Variants in HPSE2 observed in about 807,000 individuals in gnomAD.
HPSE2 encodes the protein inactive heparanase-2.
HPSE2 carries 38 observed loss-of-function variants against 60.5 expected under a neutral mutation model. The ratio of observed to expected loss-of-function variants is 0.63; its 90% CI spans 0.48 to 0.82. HPSE2 has a LOEUF of 0.82. Among genes scored for constraint, HPSE2 ranks in the 40% least tolerant of loss-of-function variants. The pLI is 0.00. For synonymous variants in HPSE2, 295 were observed against 293.2 expected (o/e 1.01, Z -0.06); for missense variants, 713 against 740.4 (o/e 0.96, Z 0.43).
At chr10:98,741,082 TTAA>T (rs1292998852) in intron 4 of HPSE2, among the ~76,000 whole-genome samples, 55 of 152,298 alleles carry the variant, frequency 3.6e-4, no homozygotes, top group African/African-American at 1.3e-3. Flanking sequence ...TTATTTATCA[TTAA>T]TAATCATTTA....
intron 3 of HPSE2, among the ~76,000 whole-genome samples, chr10:99,138,215 G>A (rs1369318959): frequency 6.6e-6 from 1 of 152,170 alleles, no homozygotes; most frequent in East Asian, 1.9e-4. Context: ...CAGTTAGAAT[G>A]GTGATCATTG....
chr10:99,298,153 C>T, the HPSE2 span, among the ~76,000 whole-genome samples: 1 of 152,164 alleles, frequency 6.6e-6, no homozygotes, highest in African/African-American at 2.4e-5. Flanking sequence ...CAAGTCAGAG[C>T]CTCTGAGGTC....
rs186770290 is a variant in HPSE2, at chr10:98,512,488, G to A, written c.1321-22292C>T. Among the ~76,000 whole-genome samples, 65 of 152,112 alleles carry A rather than the reference G, an allele frequency of 4.3e-4. 1 individual carries two copies. Among genetic ancestry groups the A allele is most frequent in the African/African-American group, 1.4e-3 (57 of 41,482 alleles). On this transcript the variant is annotated intron_variant, in intron 9 of 11. Transcript: ENST00000370552. ...TAGTCCCAGCTACTCGGGAGGCTGA[G>A]GTGGGAGAATGGCATGAACCCGGGA... is the stretch of plus-strand genomic sequence containing the variant.
At chr10:98,479,169 C>T (rs945294992) in intron 11 of HPSE2, among the ~76,000 whole-genome samples, 1 of 152,168 alleles carries the variant, frequency 6.6e-6, no homozygotes, top group Non-Finnish European at 1.5e-5. Context: ...CTGGCCTCTC[C>T]CTACTCCTGA....
chr10:99,000,423 CA>C (rs1956751431), intron 3 of HPSE2, among the ~76,000 whole-genome samples: 1 of 152,088 alleles, frequency 6.6e-6, no homozygotes, highest in South Asian at 2.1e-4. Flanking sequence ...ATCATCTTTA[CA>C]GTGGTGGAAC....
chr10:98,953,968 T>C (rs983388072), intron 3 of HPSE2, among the ~76,000 whole-genome samples: 1 of 152,120 alleles, frequency 6.6e-6, no homozygotes, highest in African/African-American at 2.4e-5. Context: ...ATTCAATAAA[T>C]AGTAGTTATT....
At chr10:98,524,139 CT>C (rs1942885154) in intron 9 of HPSE2, among the ~76,000 whole-genome samples, 4 of 152,208 alleles carry the variant, frequency 2.6e-5, no homozygotes, top group Admixed American at 2.6e-4. Context: ...TGGCTTAATG[CT>C]CTGCTGTTGA....
chr10:99,173,943 C>CAAAAAAAAAA (rs61074165), intron 2 of HPSE2, among the ~76,000 whole-genome samples: 2 of 99,940 alleles, frequency 2.0e-5, no homozygotes, highest in African/African-American at 1.3e-4. Context: ...GACTCTGTCT[C>CAAAAAAAAAA]AAAAAAAAAA....
At chr10:99,015,453 T>C (rs1230529456) in intron 3 of HPSE2, among the ~76,000 whole-genome samples, 3 of 152,026 alleles carry the variant, frequency 2.0e-5, no homozygotes, top group South Asian at 2.1e-4. Flanking sequence ...ATTAAGAAAA[T>C]GTGGCACATA....
At chr10:98,853,729 G>A (rs972186431) in intron 3 of HPSE2, among the ~76,000 whole-genome samples, 1 of 152,160 alleles carries the variant, frequency 6.6e-6, no homozygotes, top group Non-Finnish European at 1.5e-5. Context: ...AAGAGGAAAT[G>A]TATGATGCTA....
intron 2 of HPSE2, among the ~76,000 whole-genome samples, chr10:99,223,679 T>C (rs1333787415): frequency 6.6e-6 from 1 of 152,236 alleles, no homozygotes; most frequent in African/African-American, 2.4e-5. Context: ...TGGTTATATC[T>C]ATATTGGTTT....
At chr10:99,103,001 T>C (rs1279526082) in intron 3 of HPSE2, among the ~76,000 whole-genome samples, 2 of 152,084 alleles carry the variant, frequency 1.3e-5, no homozygotes, top group East Asian at 1.9e-4. Context: ...TAAGAGCTAT[T>C]TATGACAAAC....
intron 5 of HPSE2, among the ~76,000 whole-genome samples, chr10:98,720,878 A>G (rs1030781813): frequency 2.0e-5 from 3 of 152,216 alleles, no homozygotes; most frequent in African/African-American, 7.2e-5. Flanking sequence ...AATGATGCAT[A>G]TACAATGATC....
intron 9 of HPSE2, among the ~76,000 whole-genome samples, chr10:98,567,171 C>A (rs953100158): frequency 9.2e-5 from 14 of 152,138 alleles, no homozygotes; most frequent in African/African-American, 3.1e-4. Flanking sequence ...GTAGCCCAAG[C>A]AACACAGTGG....
intron 2 of HPSE2, among the ~76,000 whole-genome samples, chr10:99,179,158 A>G (rs768233230): frequency 3.3e-5 from 5 of 152,190 alleles, no homozygotes; most frequent in Non-Finnish European, 7.3e-5. Context: ...CTCACAACCA[A>G]TATCATACTG....
At chr10:99,124,991 C>T (rs1413900678) in intron 3 of HPSE2, among the ~76,000 whole-genome samples, 1 of 152,194 alleles carries the variant, frequency 6.6e-6, no homozygotes, top group Non-Finnish European at 1.5e-5. Flanking sequence ...AATGGAGTGT[C>T]CCAAAAGATG....
chr10:99,227,385 A>C (rs1276539553), intron 2 of HPSE2, among the ~76,000 whole-genome samples: 1 of 152,146 alleles, frequency 6.6e-6, no homozygotes, highest in African/African-American at 2.4e-5. Context: ...AAGTAAAGGC[A>C]AGGTAGAAAC....
intron 3 of HPSE2, among the ~76,000 whole-genome samples, chr10:99,036,993 TAAG>T (rs1475522976): frequency 6.6e-6 from 1 of 152,120 alleles, no homozygotes; most frequent in Non-Finnish European, 1.5e-5. Flanking sequence ...TTAGTATCAC[TAAG>T]AAGAAGAAAT....
intron 2 of HPSE2, among the ~76,000 whole-genome samples, chr10:99,203,227 C>T (rs1399609905): frequency 6.6e-6 from 1 of 152,054 alleles, no homozygotes; most frequent in Non-Finnish European, 1.5e-5. Flanking sequence ...TACAGGCCAG[C>T]CCCCAGGGCC....
Sources: gnomAD v4.1 joint callset for allele counts (sites outside exome capture counted in the v4.1 genomes callset) on GRCh38, gnomAD v4.1.1 for gene constraint, MANE v1.5 for transcripts, NCBI Gene and HGNC (gene_info 2026-07-23, HGNC 2026-07-21) for gene names.